The following LRP6 variants were observed in gnomAD, a reference collection of about 807,000 sequenced individuals.
The protein encoded by LRP6 is low-density lipoprotein receptor-related protein 6.
A neutral mutation model predicts 184.1 loss-of-function variants in LRP6; 43 were observed. That is an observed-to-expected ratio of 0.23 (90% CI 0.18 to 0.30). LRP6 has a LOEUF of 0.30. LRP6 is among the 10% of genes least tolerant of loss of function. The probability of loss-of-function intolerance (pLI) is 1.00; values close to 1 mark genes in which losing one functional copy is unlikely to be tolerated. For synonymous variants in LRP6, 719 were observed against 684.9 expected (o/e 1.05, Z -0.78); for missense variants, 1,571 against 2,005.3 (o/e 0.78, Z 4.14).
At chr12:12,161,952 T>TCTGA (rs80280985) in intron 10 of LRP6, among the ~76,000 whole-genome samples, 1 of 152,004 alleles carries the variant, frequency 6.6e-6, no homozygotes, top group African/African-American at 2.4e-5. Context: ...ATCAGTAACA[T>TCTGA]TTATTAACCC....
chr12:12,248,841 TATAG>T (rs2135926348), intron 1 of LRP6: 1 of 255,822 alleles, frequency 3.9e-6, no homozygotes, highest in South Asian at 5.2e-5. Flanking sequence ...TCCCTACCTA[TATAG>T]AATGTTCTCC....
Position 12,130,835 on chromosome 12 carries a change from C to G in LRP6, c.4029G>C (p.Lys1343Asn). ...CANGQCIGKH[K>N]KCDHNVDCSD... is the part of the protein sequence containing the mutation. ...TGCAATCCACATTATGATCACACTTCTTGTGCTTTCCAATGCACTGACCAT... is the reference window on the plus strand; with the variant it reads ...TGCAATCCACATTATGATCACACTTGTTGTGCTTTCCAATGCACTGACCAT... Residue 1343 changes from lysine to asparagine, a missense_variant, in exon 19 of 23, where the codon AAG becomes AAC. This residue lies in a region of LRP6 where 763 missense variants were observed against 859.5 expected (regional missense o/e 0.89). Coordinates refer to ENST00000261349, the MANE Select transcript of LRP6 (RefSeq NM_002336.3). 1 of 1,613,946 alleles carries G rather than the reference C, an allele frequency of 6.2e-7. No individual in the cohort carries two copies. The highest frequency in any genetic ancestry group is 1.1e-5 in the South Asian group (1 of 91,074).
At chr12:12,251,099 T>A (rs1223381951) in intron 1 of LRP6, among the ~76,000 whole-genome samples, 1 of 150,934 alleles carries the variant, frequency 6.6e-6, no homozygotes, top group Non-Finnish European at 1.5e-5. Flanking sequence ...CCCAGCTAAT[T>A]TTTTTGTATT....
rs776037952 is a variant in LRP6 at position 12,158,953 on chromosome 12, C to T, written c.2667G>A (p.Gly889=). The T allele has an allele frequency of 6.2e-7, 1 of 1,614,206 alleles. No individual in the cohort carries two copies. The change falls in exon 12 of 23, where the codon GGG becomes GGA. Residue 889 remains glycine, a synonymous_variant. Transcript: ENST00000261349. ...CATTGCTGGAAGCACATTCATTCCACCCTGACTGTCGAGATGAGTGAAAGA... is the reference window on the plus strand; with the variant it reads ...CATTGCTGGAAGCACATTCATTCCATCCTGACTGTCGAGATGAGTGAAAGA... ...ILVFHSSRQS[G]WNECASSNGH...
In LRP6 at chr12:12,186,953, G is replaced by C; in HGVS notation, c.814C>G (p.His272Asp). 1 of 1,614,166 alleles carries C rather than the reference G, an allele frequency of 6.2e-7. No individual in the cohort carries two copies. Among genetic ancestry groups the C allele is most frequent in the Non-Finnish European group, 8.5e-7 (1 of 1,180,018 alleles). ...GGCTGCCTCTGTTGGCTGAAGGCAT[G>C]TATATCCATGGGAGAGAAGATGTCA... ...HSDIFSPMDI[H>D]AFSQQRQPNA... The change falls in exon 4 of 23, where the codon CAT (histidine) becomes GAT (aspartate). Residue 272 changes from histidine to aspartate, a missense_variant. His to Asp is a moderately conservative substitution (Grantham distance 81). Around this residue, in one of 4 missense-constraint regions of LRP6, gnomAD observed 640 missense variants for 851.9 expected, o/e 0.75. Transcript: ENST00000261349.
rs1367082350 is a variant in LRP6 at position 12,159,838 on chromosome 12, T to C, written c.2406A>G (p.Lys802=). The change falls in exon 11 of 23, where the codon AAA becomes AAG. Residue 802 remains lysine (K), a synonymous_variant. Coordinates refer to ENST00000261349, the MANE Select transcript of LRP6 (RefSeq NM_002336.3). ...CCAGGTCTGTCCAATAAAGCCTCCT[T>C]TTAGCATAATCAATAGTTAGGCCGT... ...RANGLTIDYA[K]RRLYWTDLDT... 1 of 1,614,046 alleles carries C rather than the reference T, an allele frequency of 6.2e-7. No individual in the cohort carries two copies. Among genetic ancestry groups the C allele is most frequent in the Non-Finnish European group, 8.5e-7 (1 of 1,180,018 alleles).
intron 2 of LRP6, among the ~76,000 whole-genome samples, chr12:12,204,015 C>T (rs115698111): frequency 2.1e-3 from 314 of 152,214 alleles, no homozygotes; most frequent in African/African-American, 7.2e-3. Context: ...AAAGTGATAA[C>T]TTTAGAGAAA....
chr12:12,180,089 T>G (rs1026937107), intron 6 of LRP6, 108 bp from the exon 7 acceptor site: 38 of 852,124 alleles, frequency 4.5e-5, no homozygotes, highest in Non-Finnish European at 6.5e-5. Flanking sequence ...CATCAGTTAA[T>G]GCCAAGGAAG....
In LRP6 at chr12:12,216,473, T is replaced by C. The variant is rs1358001495; in HGVS notation, c.450-13073A>G. Among the ~76,000 whole-genome samples, 5 of 152,072 alleles carry C rather than the reference T, an allele frequency of 3.3e-5. No individual in the cohort carries two copies. The South Asian group carries it at 1.0e-3, about 32-fold the overall frequency. On this transcript the variant is annotated intron_variant, in intron 2 of 22. Transcript: ENST00000261349. ...AGAGAAGACAAATCCAAGAGCTACT[T>C]AGAAGGCAGAATAAACAAGAATTGG...
rs1055822990 is a variant in LRP6 at position 12,207,693 on chromosome 12, C to CT, written c.450-4294dup. Reference sequence around the variant, plus strand: ...GAAGAGCCTTAAGTGGATATTCATGCTTAGTAGTCAGGAAGGCTGTCTGCA... The same window carrying CT: ...GAAGAGCCTTAAGTGGATATTCATGCTTTAGTAGTCAGGAAGGCTGTCTGCA... On this transcript the variant is annotated intron_variant, in intron 2 of 22. Transcript: ENST00000261349. Among the ~76,000 whole-genome samples, 19 of 152,182 alleles carry CT rather than the reference C, an allele frequency of 1.2e-4. No homozygotes were observed. In the South Asian group the frequency reaches 1.5e-3, roughly 12 times the overall value.
intron 2 of LRP6, among the ~76,000 whole-genome samples, chr12:12,211,377 G>A (rs1864206954): frequency 6.6e-6 from 1 of 152,194 alleles, no homozygotes; most frequent in Admixed American, 6.5e-5. Context: ...GGGAGGTGGA[G>A]GTTGCAATGA....
chr12:12,229,610 A>C (rs541037462), intron 2 of LRP6, among the ~76,000 whole-genome samples: 1 of 152,376 alleles, frequency 6.6e-6, no homozygotes, highest in African/African-American at 2.4e-5. Context: ...CTGTAGACAC[A>C]TAAAAGCACT....
intron 2 of LRP6, among the ~76,000 whole-genome samples, chr12:12,224,611 T>G (rs1239873809): frequency 6.6e-6 from 1 of 152,228 alleles, no homozygotes; most frequent in East Asian, 1.9e-4. Flanking sequence ...AATAAATTAA[T>G]GAAAGCTTGA....
At chr12:12,138,699 A>G (rs1591875835) in intron 15 of LRP6, 165 bp from the exon 16 acceptor site, 1 of 1,358,766 alleles carries the variant, frequency 7.4e-7, no homozygotes, top group East Asian at 2.5e-5. Flanking sequence ...ACACTAGAAA[A>G]CAGCCAATAA....
intron 3 of LRP6, among the ~76,000 whole-genome samples, chr12:12,197,672 C>A (rs955105356): frequency 6.6e-6 from 1 of 152,194 alleles, no homozygotes; most frequent in African/African-American, 2.4e-5. Context: ...TGTCCTAATA[C>A]TCACTTACTT....
In LRP6 at chr12:12,203,217, C is replaced by A; in HGVS notation, c.633G>T (p.Leu211=). ...TGTAATCTTACCGATTTGTTCCATC[C>A]AGATTTGATTTGTGGATGAAATTAA... ...AKLNFIHKSN[L]DGTNRQAVVK... is the part of the protein sequence containing the mutation. The change falls in exon 3 of 23, where the codon CTG becomes CTT. Residue 211 remains leucine, a synonymous_variant. Coordinates refer to ENST00000261349, the MANE Select transcript of LRP6 (RefSeq NM_002336.3). The A allele has an allele frequency of 6.2e-7, 1 of 1,609,084 alleles. No homozygotes were observed. The highest frequency in any genetic ancestry group is 8.5e-7 in the Non-Finnish European group (1 of 1,178,018).
chr12:12,203,871 T>A (rs1435802436), intron 2 of LRP6, among the ~76,000 whole-genome samples: 9 of 152,186 alleles, frequency 5.9e-5, no homozygotes, highest in African/African-American at 2.2e-4. Flanking sequence ...CATTTGCAAC[T>A]GCCCTGGTAA....
At chr12:12,135,573 A>G (rs1949827143) in intron 16 of LRP6, among the ~76,000 whole-genome samples, 1 of 151,028 alleles carries the variant, frequency 6.6e-6, no homozygotes. Context: ...GGCTCACTGC[A>G]AACTCTGCTT....
chr12:12,127,107 A>C (rs1949683291), intron 19 of LRP6, among the ~76,000 whole-genome samples, 186 bp from the exon 20 acceptor site: 1 of 152,250 alleles, frequency 6.6e-6, no homozygotes, highest in Admixed American at 6.5e-5. Flanking sequence ...AAATGTCATC[A>C]TTAGGAATCA....
Sources: gnomAD v4.1 joint callset for allele counts (sites outside exome capture counted in the v4.1 genomes callset) on GRCh38, gnomAD v4.1.1 for gene constraint, gnomAD v4.1.1 regional missense constraint, MANE v1.5 for transcripts, NCBI Gene and HGNC (gene_info 2026-07-23, HGNC 2026-07-21) for gene names.